DPYS: variants seen among roughly 807,000 people sequenced by gnomAD.
DPYS encodes the protein dihydropyrimidine amidohydrolase.
A neutral mutation model predicts 50.3 loss-of-function variants in DPYS; 39 were observed. The ratio of observed to expected loss-of-function variants is 0.78; its 90% CI spans 0.60 to 1.01. The LOEUF (loss-of-function observed/expected upper bound fraction) is 1.01. DPYS is among the 50% of genes least tolerant of loss of function. The probability of loss-of-function intolerance (pLI) is 0.00; values close to 1 mark genes in which losing one functional copy is unlikely to be tolerated. For missense variants in DPYS, 659 were observed against 680.9 expected, an observed-to-expected ratio of 0.97 and a Z score of 0.36; for synonymous variants, 245 against 250.7, an observed-to-expected ratio of 0.98 and a Z score of 0.22.
intron 8 of DPYS, among the ~76,000 whole-genome samples, chr8:104,389,210 G>T (rs1183081433): frequency 2.0e-5 from 3 of 152,190 alleles, no homozygotes; most frequent in African/African-American, 7.2e-5. Flanking sequence ...GATAAGCAAA[G>T]AAATAGCATT....
chr8:104,386,656 C>A (rs1003845067), intron 8 of DPYS, among the ~76,000 whole-genome samples: 2 of 150,604 alleles, frequency 1.3e-5, no homozygotes, highest in Admixed American at 1.3e-4. Context: ...GAGACAGAGC[C>A]TCACTCTGCT....
intron 7 of DPYS, among the ~76,000 whole-genome samples, chr8:104,414,541 T>C (rs779363774): frequency 2.0e-5 from 3 of 152,208 alleles, no homozygotes; most frequent in Admixed American, 6.5e-5. Flanking sequence ...TTTGGTGTTT[T>C]GGTCAGGCCA....
chr8:104,453,560 C>T (rs913070613), intron 1 of DPYS, among the ~76,000 whole-genome samples: 9 of 152,174 alleles, frequency 5.9e-5, no homozygotes, highest in African/African-American at 1.7e-4. Flanking sequence ...ATCTACCACA[C>T]GCAGGATGTG....
At chr8:104,415,164 GATACAGTTGTAA>G (rs1344362882) in intron 7 of DPYS, among the ~76,000 whole-genome samples, 2 of 152,150 alleles carry the variant, frequency 1.3e-5, no homozygotes, top group Non-Finnish European at 2.9e-5. Context: ...TAAACCTAGG[GATACAGTTGTAA>G]ATAATACAAG....
Position 104,467,017 on chromosome 8 carries a change from C to A in DPYS, c.-97G>T. ...TTGGGGTGCCCTCCTGCAAGGTCCC[C>A]ACCGACAGCCCCCGAGCTCTGCCTC... On this transcript the variant is annotated 5_prime_UTR_variant, in exon 1 of 10. Coordinates refer to ENST00000351513, the MANE Select transcript of DPYS (RefSeq NM_001385.3). 1 of 1,313,910 alleles carries A rather than the reference C, an allele frequency of 7.6e-7. No homozygotes were observed. The highest frequency in any genetic ancestry group is 9.8e-7 in the Non-Finnish European group (1 of 1,024,382). The allele number at this position is 1,313,910 out of a possible 1,614,324, so 81.4% of individuals were successfully genotyped here.
At chr8:104,461,288 T>C (rs1024948330) in intron 1 of DPYS, among the ~76,000 whole-genome samples, 2 of 38,380 alleles carry the variant, frequency 5.2e-5, no homozygotes, top group South Asian at 1.5e-3. Flanking sequence ...TGAGACCCTG[T>C]CTCAATAAAA....
chr8:104,454,917 G>A (rs61361598), intron 1 of DPYS, among the ~76,000 whole-genome samples: 2,672 of 152,156 alleles, frequency 0.018, 62 homozygotes, highest in African/African-American at 0.059. Flanking sequence ...TGCTGTTTTT[G>A]TGCACCATGA....
Position 104,426,170 on chromosome 8 carries a change from T to C in DPYS, c.1093-1781A>G, listed in dbSNP as rs556463206. Reference sequence around the variant, plus strand: ...TCAGCAGAAGATGAGGCTATAGAGATGTTTTGAAGATCTAATTGTAAGTTA... The same window carrying C: ...TCAGCAGAAGATGAGGCTATAGAGACGTTTTGAAGATCTAATTGTAAGTTA... On this transcript the variant is annotated intron_variant, in intron 6 of 9. Coordinates refer to ENST00000351513, the MANE Select transcript of DPYS (RefSeq NM_001385.3). Among the ~76,000 whole-genome samples the C allele has an allele frequency of 2.6e-5, 4 of 152,220 alleles. 1 individual carries two copies. The highest frequency in any genetic ancestry group is 7.2e-5 in the African/African-American group (3 of 41,552).
chr8:104,427,036 A>G (rs1243752828), intron 6 of DPYS, among the ~76,000 whole-genome samples: 4 of 151,768 alleles, frequency 2.6e-5, no homozygotes, highest in Non-Finnish European at 5.9e-5. Flanking sequence ...CCCCCTCTCT[A>G]TTAAAAATAC....
At chr8:104,429,419 G>T in intron 5 of DPYS, 126 bp downstream of exon 5, 1 of 1,265,886 alleles carries the variant, frequency 7.9e-7, no homozygotes, top group South Asian at 1.3e-5. Flanking sequence ...GGGTACCCAG[G>T]ACCTGACAGG....
chr8:104,450,094 T>C, intron 2 of DPYS, among the ~76,000 whole-genome samples: 1 of 125,586 alleles, frequency 8.0e-6, no homozygotes, highest in Non-Finnish European at 1.6e-5. Flanking sequence ...AATAGGAGAA[T>C]AGGAAAATGA....
chr8:104,403,641 G>A (rs574462052), intron 7 of DPYS, among the ~76,000 whole-genome samples: 3 of 152,166 alleles, frequency 2.0e-5, no homozygotes, highest in African/African-American at 7.2e-5. Flanking sequence ...GGAAGAAGAT[G>A]ACCTATTTTC....
intron 1 of DPYS, 95 bp downstream of exon 1, chr8:104,466,562 G>C (rs1219452904): frequency 6.0e-6 from 8 of 1,329,832 alleles, no homozygotes; most frequent in Non-Finnish European, 6.8e-6. Flanking sequence ...GCGCCGCGCC[G>C]CGCGAGGCGG....
intron 7 of DPYS, among the ~76,000 whole-genome samples, chr8:104,419,283 T>C (rs1812473264): frequency 6.6e-6 from 1 of 152,254 alleles, no homozygotes. Flanking sequence ...TCCTTTATGC[T>C]GTTTCTTAGT....
chr8:104,461,465 G>C (rs1196670521), intron 1 of DPYS, among the ~76,000 whole-genome samples: 1 of 152,058 alleles, frequency 6.6e-6, no homozygotes. Context: ...CATTGGCCCA[G>C]GCATTTTACT....
chr8:104,439,162 G>A (rs945567275), intron 4 of DPYS, among the ~76,000 whole-genome samples: 10 of 152,014 alleles, frequency 6.6e-5, no homozygotes, highest in African/African-American at 1.4e-4. Flanking sequence ...AACTCAGGAC[G>A]TGAGAAGTTT....
intron 4 of DPYS, among the ~76,000 whole-genome samples, chr8:104,440,942 G>T (rs1190832012): frequency 6.6e-6 from 1 of 152,156 alleles, no homozygotes; most frequent in Non-Finnish European, 1.5e-5. Context: ...TTCTGTAAAA[G>T]GTCAGTGTGG....
intron 7 of DPYS, among the ~76,000 whole-genome samples, chr8:104,408,819 T>G (rs1812081248): frequency 1.1e-5 from 1 of 89,044 alleles, no homozygotes; most frequent in African/African-American, 2.9e-5. Flanking sequence ...TTTTTGTTTG[T>G]TTTTTTTTTT....
chr8:104,433,588 C>T (rs1813025676), intron 4 of DPYS, among the ~76,000 whole-genome samples: 2 of 152,026 alleles, frequency 1.3e-5, no homozygotes, highest in Admixed American at 1.3e-4. Flanking sequence ...GAGCCAAGGT[C>T]ATGCCACTGA....
Sources: gnomAD v4.1 joint callset for allele counts (sites outside exome capture counted in the v4.1 genomes callset) on GRCh38, gnomAD v4.1.1 for gene constraint, MANE v1.5 for transcripts, NCBI Gene and HGNC (gene_info 2026-07-23, HGNC 2026-07-21) for gene names.